IFT140: variants seen among roughly 807,000 people sequenced by gnomAD.
IFT140 encodes intraflagellar transport 140, also known as intraflagellar transport protein 140 homolog.
A neutral mutation model predicts 164.6 loss-of-function variants in IFT140; 133 were observed. The observed-to-expected ratio is 0.81, with a 90% confidence interval of 0.70 to 0.93. The LOEUF (loss-of-function observed/expected upper bound fraction) is 0.93. Among genes scored for constraint, IFT140 ranks in the 40% least tolerant of loss-of-function variants. The probability of loss-of-function intolerance (pLI) is 0.00; values close to 1 mark genes in which losing one functional copy is unlikely to be tolerated. For synonymous variants in IFT140, 860 were observed against 817.3 expected (o/e 1.05, Z -0.89); for missense variants, 2,045 against 1,972.3 (o/e 1.04, Z -0.70).
At chr16:1,565,439 G>C (rs1389900989) in intron 16 of IFT140, among the ~76,000 whole-genome samples, 1 of 152,020 alleles carries the variant, frequency 6.6e-6, no homozygotes, top group African/African-American at 2.4e-5. Context: ...AGGTGTGTGG[G>C]AGAGGCAGGG....
intron 19 of IFT140, chr16:1,541,406 G>C (rs1044979504): frequency 1.6e-5 from 16 of 985,406 alleles, no homozygotes; most frequent in Non-Finnish European, 1.9e-5. Context: ...CTGGGAGGAG[G>C]GAACACCACC....
rs142021420 is a variant in IFT140 at position 1,529,379 on chromosome 16, G to A, written c.2400-2583C>T. ...CACTGCCATTGCATGCGTGTCCTCTGATGGCCTCACATGGGGCTCCTCACA... is the reference window on the plus strand; with the variant it reads ...CACTGCCATTGCATGCGTGTCCTCTAATGGCCTCACATGGGGCTCCTCACA... On this transcript the variant is annotated intron_variant, in intron 19 of 30. Transcript: ENST00000426508. Among the ~76,000 whole-genome samples, 243 of 152,342 alleles carry A rather than the reference G, an allele frequency of 1.6e-3. 1 individual carries two copies. Among genetic ancestry groups the A allele is most frequent in the African/African-American group, 5.5e-3 (228 of 41,586 alleles).
intron 24 of IFT140, 184 bp from the exon 25 acceptor site, chr16:1,524,140 G>A (rs1174363239): frequency 1.3e-6 from 1 of 773,232 alleles, no homozygotes; most frequent in African/African-American, 1.8e-5. Context: ...ATTTTCCGAT[G>A]CTCTGGGTTC....
chr16:1,564,096 A>G lies in IFT140; in HGVS notation c.1968T>C (p.Ser656=), dbSNP rs8048410. 547,326 of 1,598,702 alleles carry G rather than the reference A, an allele frequency of 0.34. 101,379 individuals carry two copies. Among genetic ancestry groups the G allele is most frequent in the African/African-American group, 0.66 (48,926 of 74,580 alleles). The change falls in exon 17 of 31, where the codon AGT becomes AGC. Residue 656 remains serine, a synonymous_variant. Coordinates refer to ENST00000426508, the MANE Select transcript of IFT140 (RefSeq NM_014714.4). The surrounding 1 kb of genome is among the most constrained non-coding windows in gnomAD (Gnocchi z 5.5). Reference sequence around the variant, plus strand: ...CTTCGCATACAAACAGCCGGGGCTCACTCTGGTCCCAGAAGTGGTTCACGG... The same window carrying G: ...CTTCGCATACAAACAGCCGGGGCTCGCTCTGGTCCCAGAAGTGGTTCACGG... The part of the protein sequence containing the change: ...YVPVNHFWDQ[S]EPRLFVCEAV...
At chr16:1,575,244 T>C (rs1006038922) in intron 13 of IFT140, among the ~76,000 whole-genome samples, 6 of 151,058 alleles carry the variant, frequency 4.0e-5, no homozygotes, top group Non-Finnish European at 5.9e-5. Flanking sequence ...GCATGGTGAT[T>C]GGCACCTGTG....
intron 30 of IFT140, among the ~76,000 whole-genome samples, chr16:1,511,659 A>T (rs2040161325): frequency 6.6e-6 from 1 of 151,944 alleles, no homozygotes; most frequent in African/African-American, 2.4e-5. Flanking sequence ...ATCACCTGGC[A>T]GTGGACCTGC....
chr16:1,565,016 C>G (rs905510258), intron 16 of IFT140, among the ~76,000 whole-genome samples: 2 of 152,240 alleles, frequency 1.3e-5, no homozygotes, highest in South Asian at 4.1e-4. Flanking sequence ...AGCTGGTTCC[C>G]GTGAGGTGAG....
chr16:1,586,100 G>A (rs2034861411), intron 10 of IFT140, 30 bp downstream of exon 10: 1 of 1,607,086 alleles, frequency 6.2e-7, no homozygotes, highest in Non-Finnish European at 8.5e-7. Context: ...AGCAGAAAAT[G>A]AGTGCACCGA....
intron 3 of IFT140, 56 bp downstream of exon 3, chr16:1,607,064 C>G: frequency 6.3e-7 from 1 of 1,580,694 alleles, no homozygotes; most frequent in Non-Finnish European, 8.7e-7. Context: ...AACAGCAACA[C>G]AAACAACATG....
In IFT140 at chr16:1,588,527, A is replaced by AAATAATAATAATAATAACAAT. The variant is rs145693119; in HGVS notation, c.811-504_811-503insATTGTTATTATTATTATTATT. 4.8e-5 allele frequency among the ~76,000 whole-genome samples: 7 copies of AAATAATAATAATAATAACAAT among 145,448 alleles called. No individual in the cohort carries two copies. The South Asian group carries it at 1.1e-3, about 23-fold the overall frequency. On this transcript the variant is annotated intron_variant, in intron 7 of 30. Transcript: ENST00000426508. ...GTGACAGAGCAAGACTCCGTCTCAAAAATAATAATAATAATAATAATAGTA... is the reference window on the plus strand; with the variant it reads ...GTGACAGAGCAAGACTCCGTCTCAAAAATAATAATAATAATAACAATAATAATAATAATAATAATAATAGTA...
At chr16:1,598,663 G>T (rs1400742379) in intron 4 of IFT140, among the ~76,000 whole-genome samples, 1 of 152,246 alleles carries the variant, frequency 6.6e-6, no homozygotes, top group South Asian at 2.1e-4. Flanking sequence ...CTATGAGCCG[G>T]CCCAGGCCCC....
intron 3 of IFT140, among the ~76,000 whole-genome samples, chr16:1,606,363 A>C (rs1472491741): frequency 6.6e-6 from 1 of 152,248 alleles, no homozygotes; most frequent in East Asian, 1.9e-4. Context: ...CATGTCCCCA[A>C]GCCACCAAAA....
intron 19 of IFT140, among the ~76,000 whole-genome samples, chr16:1,543,673 G>C (rs1238530380): frequency 6.6e-6 from 1 of 152,198 alleles, no homozygotes; most frequent in Non-Finnish European, 1.5e-5. Flanking sequence ...AGGGATGTGG[G>C]ACCTAGGACT....
At chr16:1,554,873 C>T in intron 19 of IFT140, 2 of 1,614,232 alleles carry the variant, frequency 1.2e-6, no homozygotes, top group South Asian at 1.1e-5. Context: ...TTGGCGCCTG[C>T]CTTCTGGCCA....
At chr16:1,576,042 T>C (rs2034257058) in intron 13 of IFT140, among the ~76,000 whole-genome samples, 1 of 152,102 alleles carries the variant, frequency 6.6e-6, no homozygotes, top group Non-Finnish European at 1.5e-5. Context: ...TCCCAGCACT[T>C]TGGGAGACTG....
At position 1,520,263 on chromosome 16, in the gene IFT140, G is replaced by A; in HGVS notation, c.3741C>T (p.Tyr1247=). The part of the protein sequence containing the change: ...FASVSRQKEI[Y]IMAANYLQSL... ...ACTGCAGGTAGTTAGCAGCCATGAT[G>A]TAGATTTCCTTCTGCCTGGACACGC... Residue 1247 remains tyrosine, a synonymous_variant, in exon 28 of 31, where the codon TAC becomes TAT. Transcript: ENST00000426508. 6.2e-7 allele frequency: 1 copy of A among 1,614,250 alleles called. No individual in the cohort carries two copies. Among genetic ancestry groups the A allele is most frequent in the Non-Finnish European group, 8.5e-7 (1 of 1,180,046 alleles).
intron 20 of IFT140, 123 bp downstream of exon 20, chr16:1,526,496 C>T: frequency 9.1e-7 from 1 of 1,094,742 alleles, no homozygotes; most frequent in African/African-American, 1.6e-5. Flanking sequence ...TGGGTCATGC[C>T]TCTCGGCTCT....
intron 2 of IFT140, among the ~76,000 whole-genome samples, chr16:1,608,100 T>G (rs1567436597): frequency 6.6e-6 from 1 of 151,912 alleles, no homozygotes; most frequent in African/African-American, 2.4e-5. Flanking sequence ...CTTCCTCTAT[T>G]AGAGAGTCAA....
chr16:1,549,911 C>A (rs746159412), intron 19 of IFT140, among the ~76,000 whole-genome samples: 1 of 152,172 alleles, frequency 6.6e-6, no homozygotes, highest in Admixed American at 6.5e-5. Context: ...GTCCAGGTTG[C>A]GTGTGGACAT....
Sources: allele counts gnomAD v4.1 joint callset (sites outside exome capture counted in the v4.1 genomes callset), GRCh38; gene constraint gnomAD v4.1.1; non-coding constraint Gnocchi (gnomAD v3.1); transcripts MANE v1.5; gene names NCBI Gene and HGNC (gene_info 2026-07-23, HGNC 2026-07-21).